The following PIK3C2G variants were observed in gnomAD, a reference collection of about 807,000 sequenced individuals.
PIK3C2G encodes the protein phosphatidylinositol 3-kinase C2 domain-containing subunit gamma.
In PIK3C2G, 168 loss-of-function variants were observed where a neutral mutation model predicts 181.1. The observed-to-expected ratio is 0.93, with a 90% CI of 0.82 to 1.05. The LOEUF (loss-of-function observed/expected upper bound fraction) is 1.05, where lower values mean the gene tolerates loss of function less well. Among genes scored for constraint, PIK3C2G ranks in the 50% least tolerant of loss-of-function variants. The probability of loss-of-function intolerance (pLI) is 0.00; values close to 1 mark genes in which losing one functional copy is unlikely to be tolerated. For synonymous variants in PIK3C2G, 573 were observed against 592.2 expected (o/e 0.97, Z 0.47); for missense variants, 1,869 against 1,732.8 (o/e 1.08, Z -1.40).
chr12:18,558,690 C>A (rs1219289047), intron 26 of PIK3C2G, among the ~76,000 whole-genome samples: 14 of 152,184 alleles, frequency 9.2e-5, no homozygotes, highest in Admixed American at 9.2e-4. Flanking sequence ...CCATGGCCTA[C>A]TTTCATGGCA....
chr12:18,408,376 T>C (rs1944658605), intron 16 of PIK3C2G, among the ~76,000 whole-genome samples: 1 of 152,196 alleles, frequency 6.6e-6, no homozygotes, highest in African/African-American at 2.4e-5. Context: ...TGGTTGTAGA[T>C]GTCTGGCATT....
At chr12:18,715,005 T>C in the PIK3C2G span, 1 of 151,134 alleles carries the variant, frequency 6.6e-6, no homozygotes, top group Non-Finnish European at 1.5e-5. Context: ...AGAAAATGAA[T>C]CTTTTAGATT....
the PIK3C2G span, among the ~76,000 whole-genome samples, chr12:18,691,441 T>G: frequency 2.0e-5 from 3 of 152,254 alleles, no homozygotes; most frequent in African/African-American, 4.8e-5. Flanking sequence ...CTATGAATGT[T>G]TATGTAACAG....
chr12:18,270,740 T>C (rs1591791584), intron 1 of PIK3C2G, among the ~76,000 whole-genome samples: 1 of 152,320 alleles, frequency 6.6e-6, no homozygotes, highest in African/African-American at 2.4e-5. Context: ...AGTTTCATAT[T>C]CTAAAAATGT....
intron 15 of PIK3C2G, among the ~76,000 whole-genome samples, chr12:18,399,276 A>T (rs1307754505): frequency 6.6e-6 from 1 of 151,786 alleles, no homozygotes; most frequent in African/African-American, 2.4e-5. Context: ...AAAATAAGAA[A>T]GTAAACGGTT....
chr12:18,380,326 A>G (rs1175178230), intron 13 of PIK3C2G, among the ~76,000 whole-genome samples: 1 of 151,830 alleles, frequency 6.6e-6, no homozygotes, highest in Non-Finnish European at 1.5e-5. Context: ...ACCTCTGTTG[A>G]CTCTGTCCCA....
At chr12:18,593,011 T>A (rs966015738) in intron 29 of PIK3C2G, among the ~76,000 whole-genome samples, 1 of 151,988 alleles carries the variant, frequency 6.6e-6, no homozygotes, top group Non-Finnish European at 1.5e-5. Context: ...TTCCTTCTGA[T>A]GGCTATGAGG....
In PIK3C2G at chr12:18,506,008, T is replaced by C. The variant is rs1941807481; in HGVS notation, c.3323+547T>C. Among the ~76,000 whole-genome samples, 4 of 152,154 alleles carry C rather than the reference T, an allele frequency of 2.6e-5. No individual in the cohort carries two copies. In the South Asian group the frequency reaches 8.3e-4, roughly 32 times the overall value. ...ACAAGTTTACAAGCTAAGAAATGAC[T>C]TGAGAAAATGAGAAGTTATTTTAGA... is the stretch of plus-strand genomic sequence containing the variant. On this transcript the variant is annotated intron_variant, in intron 24 of 32. Transcript: ENST00000538779.
chr12:18,245,663 T>A (rs1227764140), upstream of PIK3C2G, among the ~76,000 whole-genome samples: 3 of 152,248 alleles, frequency 2.0e-5, no homozygotes, highest in East Asian at 5.8e-4. Flanking sequence ...TCGTTATACA[T>A]TCAAATTTAG....
chr12:18,365,708 C>T (rs1276595637), intron 12 of PIK3C2G, among the ~76,000 whole-genome samples: 1 of 152,140 alleles, frequency 6.6e-6, no homozygotes, highest in African/African-American at 2.4e-5. Flanking sequence ...CAGTTATATA[C>T]CTTTAAATAC....
intron 30 of PIK3C2G, 27 bp from the exon 31 acceptor site, chr12:18,609,508 C>T: frequency 7.3e-7 from 1 of 1,363,962 alleles, no homozygotes. Context: ...TCCAACTGAA[C>T]TCACTGAAAT....
intron 16 of PIK3C2G, among the ~76,000 whole-genome samples, chr12:18,414,062 T>G (rs1170079298): frequency 6.6e-6 from 1 of 152,126 alleles, no homozygotes; most frequent in Non-Finnish European, 1.5e-5. Context: ...GAGCCCTTTT[T>G]GAAAAGGTAT....
At chr12:18,454,227 A>G (rs1056852728) in intron 18 of PIK3C2G, among the ~76,000 whole-genome samples, 1 of 152,196 alleles carries the variant, frequency 6.6e-6, no homozygotes, top group African/African-American at 2.4e-5. Context: ...TAGTGGAGGA[A>G]ACAAATAATA....
chr12:18,593,983 T>A (rs1041487851), intron 29 of PIK3C2G, among the ~76,000 whole-genome samples: 1 of 151,922 alleles, frequency 6.6e-6, no homozygotes, highest in African/African-American at 2.4e-5. Flanking sequence ...TAGTTATAAA[T>A]AATTTTACTA....
At position 18,503,263 on chromosome 12, in the gene PIK3C2G, C is replaced by CT; in HGVS notation, c.3017-10dup. Reference sequence around the variant, plus strand: ...GTGATGAAGGAATTGTCTCTGTAATCTTTTTTTTCTCTACCAGGATTGGTG... The same window carrying CT: ...GTGATGAAGGAATTGTCTCTGTAATCTTTTTTTTTCTCTACCAGGATTGGTG... On this transcript the variant is annotated splice_polypyrimidine_tract_variant and intron_variant, in intron 22 of 32. Coordinates refer to ENST00000538779, the MANE Select transcript of PIK3C2G (RefSeq NM_001288772.2). The CT allele has an allele frequency of 3.0e-5, 47 of 1,570,626 alleles. No homozygotes were observed. Among genetic ancestry groups the CT allele is most frequent in the Middle Eastern group, 1.7e-4 (1 of 5,858 alleles).
chr12:18,385,150 A>T (rs546542074), intron 14 of PIK3C2G, among the ~76,000 whole-genome samples: 23 of 152,248 alleles, frequency 1.5e-4, no homozygotes, highest in African/African-American at 5.3e-4. Context: ...ATGACCTTGA[A>T]CAAGTCACCT....
intron 16 of PIK3C2G, among the ~76,000 whole-genome samples, chr12:18,409,990 A>G (rs1451733387): frequency 6.6e-6 from 1 of 152,032 alleles, no homozygotes; most frequent in Non-Finnish European, 1.5e-5. Flanking sequence ...CTAGAACAGC[A>G]CTAAAGGGGG....
chr12:18,592,746 G>A (rs1197151383), intron 29 of PIK3C2G, among the ~76,000 whole-genome samples: 1 of 151,890 alleles, frequency 6.6e-6, no homozygotes, highest in Non-Finnish European at 1.5e-5. Flanking sequence ...AAAATTGACA[G>A]AATTGACCAT....
intron 18 of PIK3C2G, among the ~76,000 whole-genome samples, chr12:18,480,813 A>G (rs1592367748): frequency 6.6e-6 from 1 of 152,232 alleles, no homozygotes; most frequent in Admixed American, 6.5e-5. Context: ...GTCTGGGCAC[A>G]CTGCCTATGG....
Sources: gnomAD v4.1 joint callset for allele counts (sites outside exome capture counted in the v4.1 genomes callset) on GRCh38, gnomAD v4.1.1 for gene constraint, MANE v1.5 for transcripts, NCBI Gene and HGNC (gene_info 2026-07-23, HGNC 2026-07-21) for gene names.